SGCA: variants seen among roughly 807,000 people sequenced by gnomAD.
SGCA encodes sarcoglycan alpha.
A neutral mutation model predicts 38.1 loss-of-function variants in SGCA; 34 were observed. The ratio of observed to expected loss-of-function variants is 0.89; its 90% CI spans 0.68 to 1.19. SGCA has a LOEUF of 1.19. SGCA is among the 50% of genes most tolerant of loss of function. SGCA has a pLI of 0.00. For missense variants in SGCA, 476 were observed against 524.9 expected (o/e 0.91, Z 0.91); for synonymous variants, 209 against 214.6 (o/e 0.97, Z 0.23).
At chr17:50,172,186 C>T (rs758649199) in intron 8 of SGCA, 41 of 456,910 alleles carry the variant, frequency 9.0e-5, no homozygotes, top group Admixed American at 3.8e-4. Context: ...ACCTGTGTGG[C>T]CAGAAAGAGG....
chr17:50,170,242 G>C lies in SGCA; in HGVS notation c.847G>C (p.Asp283His), dbSNP rs766674286. Residue 283 changes from aspartate (D) to histidine (H), a missense_variant, in exon 7 of 10, where the codon GAC becomes CAC. By Grantham distance (81) the Asp-to-His change is moderately conservative. Transcript: ENST00000262018. ...CTTCTGCCCACCCACTGAGGCCCCA[G>C]ACCGTGACTTCTTGGTGGATGCTCT... is the stretch of plus-strand genomic sequence containing the variant. ...PFFCPPTEAP[D>H]RDFLVDALVT... The C allele has an allele frequency of 4.0e-5, 64 of 1,614,082 alleles. No homozygotes were observed. The highest frequency in any genetic ancestry group is 5.3e-5 in the Non-Finnish European group (62 of 1,180,040).
chr17:50,166,773 TCACA>T (rs1176988361), intron 1 of SGCA, among the ~76,000 whole-genome samples: 1 of 35,480 alleles, frequency 2.8e-5, no homozygotes, highest in Non-Finnish European at 4.8e-5. Flanking sequence ...ACACACACCC[TCACA>T]CACCCTCACA....
At chr17:50,172,172 C>G (rs535642322) in intron 8 of SGCA, 3 of 457,016 alleles carry the variant, frequency 6.6e-6, no homozygotes, top group African/African-American at 4.0e-5. Context: ...CGGCCCTCAC[C>G]TTTACCTGTG....
At position 50,167,258 on chromosome 17, in the gene SGCA, C is replaced by A. The variant is rs1414876189; in HGVS notation, c.38-110C>A. The stretch of plus-strand genomic sequence containing the variant: ...CCTTCCTGGGAGGCAGCAAAGGAAG[C>A]GCTTCTCTCGGTCCCTTAGGGGCTC... On this transcript the variant is annotated intron_variant, in intron 1 of 9. Coordinates refer to ENST00000262018, the MANE Select transcript of SGCA (RefSeq NM_000023.4). This position sits in a 1 kb window ranked among gnomAD's most constrained non-coding sequence, Gnocchi z 4.5. 1 of 1,492,172 alleles carries A rather than the reference C, an allele frequency of 6.7e-7. No individual in the cohort carries two copies. Among genetic ancestry groups the A allele is most frequent in the Admixed American group, 1.8e-5 (1 of 56,146 alleles). The allele number at this position is 1,492,172 out of a possible 1,614,324, so 92.4% of individuals were successfully genotyped here. A position where few individuals can be genotyped will look rare whatever the true frequency, so the allele number is the denominator to read the frequency against.
At chr17:50,171,703 G>T (rs1409631329) in intron 8 of SGCA, 2 of 456,650 alleles carry the variant, frequency 4.4e-6, no homozygotes, top group Non-Finnish European at 4.4e-6. Context: ...GGAGCCTGAG[G>T]CCCCCCTGCC....
At chr17:50,168,353 G>A in intron 4 of SGCA, 21 bp from the exon 5 acceptor site, 1 of 1,554,172 alleles carries the variant, frequency 6.4e-7, no homozygotes, top group South Asian at 1.2e-5. Flanking sequence ...GCAGCCTGAG[G>A]TGTCCACCTG....
chr17:50,167,651 T>C lies in SGCA; in HGVS notation c.227T>C (p.Leu76Pro). 6.2e-7 allele frequency: 1 copy of C among 1,613,718 alleles called. No homozygotes were observed. The highest frequency in any genetic ancestry group is 8.5e-7 in the Non-Finnish European group (1 of 1,179,944). The change falls in exon 3 of 10, where the codon CTC (leucine) becomes CCC (proline). Residue 76 changes from leucine to proline, a missense_variant. Leu to Pro is a moderately conservative substitution (Grantham distance 98). Transcript: ENST00000262018. The surrounding 1 kb of genome is among the most constrained non-coding windows in gnomAD (Gnocchi z 4.5). Reference protein sequence around the residue: ...LQGHPDLPRWLRYTQRSPHHP... With the variant: ...LQGHPDLPRWPRYTQRSPHHP... ...GGACACCCAGACCTGCCCCGGTGGC[T>C]CCGCTACACCCAGCGCAGCCCCCAC...
chr17:50,172,794 G>T (rs1905562019), intron 8 of SGCA, among the ~76,000 whole-genome samples: 1 of 152,176 alleles, frequency 6.6e-6, no homozygotes, highest in Non-Finnish European at 1.5e-5. Flanking sequence ...AGTGAACAGA[G>T]ATGTACGCTA....
At chr17:50,172,792 G>C (rs1905561727) in intron 8 of SGCA, among the ~76,000 whole-genome samples, 1 of 152,202 alleles carries the variant, frequency 6.6e-6, no homozygotes, top group Non-Finnish European at 1.5e-5. Context: ...AAAGTGAACA[G>C]AGATGTACGC....
At chr17:50,168,989 A>C in intron 5 of SGCA, 103 bp from the exon 6 acceptor site, 1 of 1,060,522 alleles carries the variant, frequency 9.4e-7, no homozygotes, top group Non-Finnish European at 1.5e-6. Context: ...TCCCATCCCC[A>C]GGTCATAGCC....
intron 8 of SGCA, chr17:50,171,536 C>A (rs1176691609): frequency 4.4e-6 from 2 of 456,818 alleles, no homozygotes; most frequent in Non-Finnish European, 4.4e-6. Flanking sequence ...CACTTGGCCA[C>A]CCTTCGAACC....
At position 50,166,053 on chromosome 17, in the gene SGCA, C is replaced by G. The variant is rs2144488329; in HGVS notation, c.13C>G (p.Leu5Val). The G allele has an allele frequency of 6.2e-7, 1 of 1,613,702 alleles. No homozygotes were observed. The change falls in exon 1 of 10, where the codon CTC becomes GTC. Residue 5 changes from leucine (L) to valine (V), a missense_variant. Physicochemically the swap from Leu to Val is conservative, Grantham distance 32. Transcript: ENST00000262018. MAET[L>V]FWTPLLVVLL... ...AGGCCGGGCAGCCATGGCTGAGACA[C>G]TCTTCTGGACTCCTCTCCTCGTGGG...
chr17:50,167,356 G>T lies in SGCA; in HGVS notation c.38-12G>T. 6.2e-7 allele frequency: 1 copy of T among 1,613,988 alleles called. No homozygotes were observed. Reference sequence around the variant, plus strand: ...CTGGCCTGTGTGTTTGGGACTTGTGGGGTCCCCACAGTTCTCCTGGCAGGG... The same window carrying T: ...CTGGCCTGTGTGTTTGGGACTTGTGTGGTCCCCACAGTTCTCCTGGCAGGG... On this transcript the variant is annotated splice_polypyrimidine_tract_variant and intron_variant, in intron 1 of 9. Transcript: ENST00000262018. The surrounding 1 kb of genome is among the most constrained non-coding windows in gnomAD (Gnocchi z 4.5).
At chr17:50,168,121 T>C (rs966413796) in intron 4 of SGCA, 102 bp downstream of exon 4, 69 of 1,128,092 alleles carry the variant, frequency 6.1e-5, no homozygotes, top group Non-Finnish European at 9.3e-5. Flanking sequence ...TGGAGAGGAG[T>C]GGAGCAGGGC....
intron 4 of SGCA, 98 bp downstream of exon 4, chr17:50,168,117 G>T: frequency 8.3e-7 from 1 of 1,200,006 alleles, no homozygotes. Context: ...GGCTTGGAGA[G>T]GAGTGGAGCA....
At position 50,167,449 on chromosome 17, in the gene SGCA, T is replaced by G. The variant is rs1233096399; in HGVS notation, c.119T>G (p.Leu40Trp). ...PLVGRVFVHT[L>W]DHETFLSLPE... ...GTGGGCCGTGTCTTTGTGCACACCT[T>G]GGACCATGAGACGTTTCTGAGCCTT... Residue 40 changes from leucine (L) to tryptophan (W), a missense_variant, in exon 2 of 10, where the codon TTG becomes TGG. Transcript: ENST00000262018. The surrounding 1 kb of genome is among the most constrained non-coding windows in gnomAD (Gnocchi z 4.5). 6.2e-7 allele frequency: 1 copy of G among 1,614,180 alleles called. No homozygotes were observed. Among genetic ancestry groups the G allele is most frequent in the East Asian group, 2.2e-5 (1 of 44,886 alleles).
intron 8 of SGCA, chr17:50,171,316 T>C (rs1307922954): frequency 5.6e-6 from 2 of 355,984 alleles, no homozygotes; most frequent in African/African-American, 2.1e-5. Context: ...TTCCAAATCC[T>C]TCCTCTCTTA....
intron 5 of SGCA, among the ~76,000 whole-genome samples, 194 bp from the exon 6 acceptor site, chr17:50,168,898 C>T (rs1905147947): frequency 6.6e-6 from 1 of 152,024 alleles, no homozygotes; most frequent in Admixed American, 6.6e-5. Context: ...GATCTCAGAT[C>T]TCTGGGAGGA....
At chr17:50,171,475 G>C (rs771425133) in intron 8 of SGCA, 1 of 456,540 alleles carries the variant, frequency 2.2e-6, no homozygotes, top group Non-Finnish European at 4.4e-6. Context: ...AGCCAATGGC[G>C]GTCTTGGCAC....
Sources: gnomAD v4.1 joint callset for allele counts (sites outside exome capture counted in the v4.1 genomes callset) on GRCh38, gnomAD v4.1.1 for gene constraint, Gnocchi (gnomAD v3.1) non-coding constraint, MANE v1.5 for transcripts, NCBI Gene and HGNC (gene_info 2026-07-23, HGNC 2026-07-21) for gene names.